Variants in TMEM63A observed in about 807,000 individuals in gnomAD.
TMEM63A encodes the protein mechanosensitive cation channel TMEM63A.
Under a neutral mutation model 100.6 loss-of-function variants are expected in TMEM63A, and 76 were observed. That is an observed-to-expected ratio of 0.76 (90% CI 0.63 to 0.91). The LOEUF (loss-of-function observed/expected upper bound fraction) is 0.91, where lower values mean the gene tolerates loss of function less well. TMEM63A is among the 40% of genes least tolerant of loss of function. The probability of loss-of-function intolerance (pLI) is 0.00; values close to 1 mark genes in which losing one functional copy is unlikely to be tolerated. For missense variants in TMEM63A, 876 were observed against 1,008.8 expected (o/e 0.87, Z 1.78); for synonymous variants, 401 against 401.1 (o/e 1.00, Z 0.00).
chr1:225,852,646 G>A lies in TMEM63A; in HGVS notation c.1903+18C>T. On this transcript the variant is annotated intron_variant, in intron 20 of 24. Coordinates refer to ENST00000366835, the MANE Select transcript of TMEM63A (RefSeq NM_014698.3). ...CCATGTACCCATGTACCCTGGGACA[G>A]GCTCCAGGGCCACTCACCAAATGGC... 1.9e-6 allele frequency: 3 copies of A among 1,607,930 alleles called. No homozygotes were observed. The highest frequency in any genetic ancestry group is 2.6e-6 in the Non-Finnish European group (3 of 1,175,976).
chr1:225,875,591 A>G (rs1266126373), intron 3 of TMEM63A, among the ~76,000 whole-genome samples: 1 of 152,220 alleles, frequency 6.6e-6, no homozygotes, highest in African/African-American at 2.4e-5. Context: ...TTTCAAAGGC[A>G]GGTGAGTCAT....
chr1:225,872,040 G>A lies in TMEM63A; in HGVS notation c.280C>T (p.Gln94Ter), dbSNP rs1428403654. 3.1e-6 allele frequency: 5 copies of A among 1,609,060 alleles called. No individual in the cohort carries two copies. In the East Asian group the frequency reaches 1.1e-4, roughly 36 times the overall value. Reference protein sequence around the residue: ...VSEADSESRFQRLSSTSSSGQ... With the variant: ...VSEADSESRF Reference sequence around the variant, plus strand: ...GAGGAGGAAGTCGATGACAATCTCTGAAATCTGGACTCGCTAGAGACACAA... The same window carrying A: ...GAGGAGGAAGTCGATGACAATCTCTAAAATCTGGACTCGCTAGAGACACAA... The change falls in exon 5 of 25, where the codon CAG (glutamine) becomes TAG (stop). Residue 94 changes from glutamine (Q) to a stop codon, truncating the protein, a stop_gained. Coordinates refer to ENST00000366835, the MANE Select transcript of TMEM63A (RefSeq NM_014698.3). LOFTEE classifies it high-confidence loss of function.
At chr1:225,874,454 C>T in intron 3 of TMEM63A, 87 bp from the exon 4 acceptor site, 3 of 1,169,298 alleles carry the variant, frequency 2.6e-6, no homozygotes, top group Non-Finnish European at 3.7e-6. Context: ...AGCCCACCTG[C>T]CCGCACTCAG....
chr1:225,846,873 A>T lies in TMEM63A; in HGVS notation c.*66T>A. 3.6e-6 allele frequency: 3 copies of T among 829,554 alleles called. No individual in the cohort carries two copies. Among genetic ancestry groups the T allele is most frequent in the Non-Finnish European group, 5.3e-6 (3 of 562,566 alleles). 51.4% of individuals were successfully genotyped at this position (829,554 alleles called of 1,614,324 possible). ...AGCTGGGCAGTCCCAACGCATTCCC[A>T]CTCAGCCAAGGGCCTGAGCCCCAGG... On this transcript the variant is annotated 3_prime_UTR_variant, in exon 25 of 25. Coordinates refer to ENST00000366835, the MANE Select transcript of TMEM63A (RefSeq NM_014698.3).
intron 14 of TMEM63A, 107 bp downstream of exon 14, chr1:225,860,753 G>A (rs1395836424): frequency 2.2e-6 from 3 of 1,381,632 alleles, no homozygotes; most frequent in Non-Finnish European, 1.9e-6. Context: ...TTGCAGATGT[G>A]TGGAGATCTC....
chr1:225,875,666 C>G (rs1409022794), intron 3 of TMEM63A, among the ~76,000 whole-genome samples: 4 of 152,180 alleles, frequency 2.6e-5, no homozygotes, highest in Non-Finnish European at 4.4e-5. Context: ...GCGGCTGCCG[C>G]CCTGGCCTGT....
downstream of TMEM63A, chr1:225,844,555 C>G: frequency 6.2e-7 from 1 of 1,614,184 alleles, no homozygotes; most frequent in Non-Finnish European, 8.5e-7. Flanking sequence ...CAACAGGCAC[C>G]ATCATCTCCT....
At chr1:225,870,116 G>A (rs168618) in intron 6 of TMEM63A, among the ~76,000 whole-genome samples, 80,161 of 151,718 alleles carry the variant, frequency 0.53, 23,019 homozygotes, top group Middle Eastern at 0.65. Flanking sequence ...TTGGGAGGCC[G>A]AGGCAGGCAG....
In TMEM63A at chr1:225,877,400, A is replaced by G; in HGVS notation, c.181T>C (p.Phe61Leu). 6.2e-7 allele frequency: 1 copy of G among 1,611,598 alleles called. No individual in the cohort carries two copies. Reference protein sequence around the residue: ...PTVLLIDVSCFLFLILVFSII... With the variant: ...PTVLLIDVSCLLFLILVFSII... ...CGACTCATGAGGGCTCTCACCAGGA[A>G]GCAGCTGACGTCTATGAGCAGGACA... Residue 61 changes from phenylalanine to leucine, a missense_variant, in exon 3 of 25, where the codon TTC (phenylalanine) becomes CTC (leucine). Transcript: ENST00000366835.
In TMEM63A at chr1:225,855,855, G is replaced by A. The variant is rs768452873; in HGVS notation, c.1634+23C>T. On this transcript the variant is annotated intron_variant, in intron 18 of 24. Coordinates refer to ENST00000366835, the MANE Select transcript of TMEM63A (RefSeq NM_014698.3). The stretch of plus-strand genomic sequence containing the variant: ...ACTTTCACCCAGGGCCATGGCTCCA[G>A]AACTCAACTTGGCAATACTCACTCC... 4 of 1,613,250 alleles carry A rather than the reference G, an allele frequency of 2.5e-6. No individual in the cohort carries two copies. The South Asian group carries it at 3.3e-5, about 13-fold the overall frequency.
In TMEM63A at chr1:225,860,955, C is replaced by A. The variant is rs1052834204; in HGVS notation, c.1128G>T (p.Gln376His). Residue 376 changes from glutamine (Q) to histidine (H), a missense_variant, in exon 14 of 25, where the codon CAG (glutamine) becomes CAT (histidine). Around this residue, in one of 5 missense-constraint regions of TMEM63A, gnomAD observed 487 missense variants for 581.9 expected, o/e 0.84. Coordinates refer to ENST00000366835, the MANE Select transcript of TMEM63A (RefSeq NM_014698.3). ...DFNACKCQSL[Q>H]CKGEPQPSSH... ...AGGACGGCTGGGGCTCACCTTTGCA[C>A]TGAAGGCTCTGACACTTGCAGGCAT... The A allele has an allele frequency of 6.2e-7, 1 of 1,612,868 alleles. No individual in the cohort carries two copies. The highest frequency in any genetic ancestry group is 8.5e-7 in the Non-Finnish European group (1 of 1,179,460).
In TMEM63A at chr1:225,868,025, T is replaced by G. The variant is rs1302373634; in HGVS notation, c.377A>C (p.Asp126Ala). The G allele has an allele frequency of 6.2e-7, 1 of 1,614,100 alleles. No individual in the cohort carries two copies. The highest frequency in any genetic ancestry group is 1.7e-5 in the Admixed American group (1 of 60,024). Residue 126 changes from aspartate (D) to alanine (A), a missense_variant, in exon 7 of 25, where the codon GAC becomes GCC. Coordinates refer to ENST00000366835, the MANE Select transcript of TMEM63A (RefSeq NM_014698.3). ...CTCCCCACACCATTCCAGGATCTGGTCATCACTGGCCAAGACACAGAGGAA... is the reference window on the plus strand; with the variant it reads ...CTCCCCACACCATTCCAGGATCTGGGCATCACTGGCCAAGACACAGAGGAA... ...WLTAIFRLHD[D>A]QILEWCGEDA...
rs1669048005 is a variant in TMEM63A, at chr1:225,847,148, C to T, written c.2316G>A (p.Gln772=). The part of the protein sequence containing the change: ...SERTALSPQQ[Q]QQQTYGAIHN... ...GGATGGCACCATAGGTCTGCTGCTG[C>T]TGCTGCTGCGGAGACAGTGCTGTCC... is the stretch of plus-strand genomic sequence containing the variant. The change falls in exon 24 of 25, where the codon CAG becomes CAA. Residue 772 remains glutamine (Q), a synonymous_variant. Transcript: ENST00000366835. 5.0e-6 allele frequency: 8 copies of T among 1,613,570 alleles called. No individual in the cohort carries two copies. Among genetic ancestry groups the T allele is most frequent in the African/African-American group, 4.0e-5 (3 of 75,074 alleles).
At chr1:225,844,571 C>A, downstream of TMEM63A, 2 of 1,614,146 alleles carry the variant, frequency 1.2e-6, no homozygotes, top group Non-Finnish European at 1.7e-6. Context: ...CTCCTCCCAG[C>A]GCTTCTACAA....
At chr1:225,876,062 TCAAA>T (rs1482904698) in intron 3 of TMEM63A, among the ~76,000 whole-genome samples, 1 of 48,004 alleles carries the variant, frequency 2.1e-5, no homozygotes, top group African/African-American at 9.7e-5. Flanking sequence ...AGACCTTGTC[TCAAA>T]AAAAAAAAAA....
At chr1:225,870,960 GT>G in intron 6 of TMEM63A, 115 bp downstream of exon 6, 1 of 1,091,840 alleles carries the variant, frequency 9.2e-7, no homozygotes, top group Non-Finnish European at 1.4e-6. Flanking sequence ...TAACTAAAAA[GT>G]ATCTAAGAGA....
chr1:225,868,118 C>G, intron 6 of TMEM63A, 88 bp from the exon 7 acceptor site: 1 of 1,505,464 alleles, frequency 6.6e-7, no homozygotes. Context: ...TCACCACACT[C>G]TTATGAGATG....
At position 225,849,952 on chromosome 1, in the gene TMEM63A, C is replaced by T. The variant is rs1451430476; in HGVS notation, c.2031G>A (p.Leu677=). 4 of 1,614,072 alleles carry T rather than the reference C, an allele frequency of 2.5e-6. No homozygotes were observed. The Admixed American group carries it at 6.7e-5, about 27-fold the overall frequency. ...AAAAGAAGTAGAGCCAGAAGAGGCA[C>T]AGGATGGGGGCTGCCAAGGCCTGGT... ...AVNQALAAPI[L]CLFWLYFFSF... is the part of the protein sequence containing the mutation. Residue 677 remains leucine, a synonymous_variant, in exon 21 of 25, where the codon CTG becomes CTA. Transcript: ENST00000366835.
intron 23 of TMEM63A, among the ~76,000 whole-genome samples, chr1:225,847,621 C>T (rs1669086370): frequency 6.6e-6 from 1 of 152,170 alleles, no homozygotes; most frequent in Non-Finnish European, 1.5e-5. Context: ...CTCATTTCCT[C>T]CCAATCCCAG....
Sources: allele counts gnomAD v4.1 joint callset (sites outside exome capture counted in the v4.1 genomes callset), GRCh38; gene constraint gnomAD v4.1.1; regional missense constraint gnomAD v4.1.1; transcripts MANE v1.5; gene names NCBI Gene and HGNC (gene_info 2026-07-23, HGNC 2026-07-21).